The following INSYN2A variants were observed in gnomAD, a reference collection of about 807,000 sequenced individuals.
INSYN2A encodes inhibitory synaptic factor 2A.
INSYN2A carries 17 observed loss-of-function variants against 39.4 expected under a neutral mutation model. That is an observed-to-expected ratio of 0.43 (90% CI 0.30 to 0.65). The LOEUF (loss-of-function observed/expected upper bound fraction) is 0.65, where lower values mean the gene tolerates loss of function less well. INSYN2A is among the 30% of genes least tolerant of loss of function. The pLI, the probability that INSYN2A is intolerant of heterozygous loss-of-function variation, is 0.14. For missense variants in INSYN2A, 595 were observed against 631.2 expected, an observed-to-expected ratio of 0.94 and a Z score of 0.61; for synonymous variants, 255 against 265.7, an observed-to-expected ratio of 0.96 and a Z score of 0.39.
intron 1 of INSYN2A, among the ~76,000 whole-genome samples, 198 bp from the exon 2 acceptor site, chr10:127,192,928 T>A (rs2056855325): frequency 2.0e-5 from 3 of 152,194 alleles, no homozygotes; most frequent in Admixed American, 2.0e-4. Flanking sequence ...TGATTAAAAG[T>A]CATGAAGTTT....
chr10:127,182,390 AAAG>A (rs1589817379), intron 2 of INSYN2A, among the ~76,000 whole-genome samples: 1 of 152,178 alleles, frequency 6.6e-6, no homozygotes, highest in Non-Finnish European at 1.5e-5. Flanking sequence ...GAGTGAGAAC[AAAG>A]GAGGGCAAGC....
At chr10:127,142,743 C>A (rs746100807) in intron 5 of INSYN2A, among the ~76,000 whole-genome samples, 1 of 152,178 alleles carries the variant, frequency 6.6e-6, no homozygotes, top group Non-Finnish European at 1.5e-5. Flanking sequence ...GAACCATCCA[C>A]CCAAACACTC....
In INSYN2A at chr10:127,172,365, G is replaced by T. The variant is rs528675972; in HGVS notation, c.1184+2847C>A. Among the ~76,000 whole-genome samples the T allele has an allele frequency of 3.9e-5, 6 of 152,298 alleles. No individual in the cohort carries two copies. In the East Asian group the frequency reaches 1.2e-3, roughly 29 times the overall value. On this transcript the variant is annotated intron_variant, in intron 4 of 5. Transcript: ENST00000522781. Reference sequence around the variant, plus strand: ...CCCTCCAGAGCCTGTTGTTCCAGATGTCCCAGCCCAGTGCTGGCTGCCACT... The same window carrying T: ...CCCTCCAGAGCCTGTTGTTCCAGATTTCCCAGCCCAGTGCTGGCTGCCACT...
rs528947051 is a variant in INSYN2A at position 127,164,159 on chromosome 10, CTTTTTTTTTTTTTTTTTTTTTTTTTTTT to C, written c.1185-10264_1185-10237del. On this transcript the variant is annotated intron_variant, in intron 4 of 5. Transcript: ENST00000522781. ...CTTTGTCTTCCCTGTCATTTGCCTCCTTTTTTTTTTTTTTTTTTTTTTTTTTTTTTTTTTTTTTTTTTGAGACAGAGTC... is the reference window on the plus strand; with the variant it reads ...CTTTGTCTTCCCTGTCATTTGCCTCCTTTTTTTTTTTTTTGAGACAGAGTC... Among the ~76,000 whole-genome samples, 9 of 63,582 alleles carry C rather than the reference CTTTTTTTTTTTTTTTTTTTTTTTTTTTT, an allele frequency of 1.4e-4. No individual in the cohort carries two copies. The East Asian group carries it at 1.5e-3, about 10-fold the overall frequency. The allele number at this position is 63,582 out of a possible 152,430, so 41.7% of individuals were successfully genotyped here. A position where few individuals can be genotyped will look rare whatever the true frequency, so the allele number is the denominator to read the frequency against.
chr10:127,184,489 C>T (rs1461587792), intron 2 of INSYN2A, among the ~76,000 whole-genome samples: 2 of 149,652 alleles, frequency 1.3e-5, no homozygotes, highest in African/African-American at 2.5e-5. Flanking sequence ...GCCCCACCCC[C>T]GTCCCCCATC....
At chr10:127,160,527 GCC>G (rs2053508625) in intron 4 of INSYN2A, among the ~76,000 whole-genome samples, 1 of 152,190 alleles carries the variant, frequency 6.6e-6, no homozygotes, top group Non-Finnish European at 1.5e-5. Context: ...TCTTTTAAAT[GCC>G]TTGTTAATTT....
At chr10:127,154,739 G>A (rs1455072652) in intron 4 of INSYN2A, among the ~76,000 whole-genome samples, 1 of 152,110 alleles carries the variant, frequency 6.6e-6, no homozygotes, top group Non-Finnish European at 1.5e-5. Flanking sequence ...CCTTTGTAGG[G>A]GAGGTTGCTA....
chr10:127,161,139 G>A (rs763738702), intron 4 of INSYN2A, among the ~76,000 whole-genome samples: 4 of 152,126 alleles, frequency 2.6e-5, no homozygotes, highest in Non-Finnish European at 5.9e-5. Flanking sequence ...ATTATGCCCC[G>A]GACATGTACT....
intron 2 of INSYN2A, among the ~76,000 whole-genome samples, chr10:127,182,818 G>A (rs943439229): frequency 1.7e-4 from 26 of 152,002 alleles, no homozygotes; most frequent in Admixed American, 6.5e-5. Flanking sequence ...TGAGACAGGA[G>A]GGCTGTGCTT....
intron 2 of INSYN2A, among the ~76,000 whole-genome samples, chr10:127,179,771 C>T (rs1589805080): frequency 6.6e-6 from 1 of 152,198 alleles, no homozygotes; most frequent in African/African-American, 2.4e-5. Flanking sequence ...TTCATCATTC[C>T]TTCATGCATT....
intron 5 of INSYN2A, among the ~76,000 whole-genome samples, chr10:127,152,968 G>A (rs2133499591): frequency 6.6e-6 from 1 of 152,302 alleles, no homozygotes; most frequent in South Asian, 2.1e-4. Context: ...GTTGAAGATT[G>A]TGTAGCCTCA....
intron 1 of INSYN2A, among the ~76,000 whole-genome samples, chr10:127,193,380 C>A (rs2056884928): frequency 6.6e-6 from 1 of 152,184 alleles, no homozygotes; most frequent in African/African-American, 2.4e-5. Context: ...TGAACAGCAT[C>A]CTTCACAAGC....
chr10:127,155,877 C>T (rs1455525359), intron 4 of INSYN2A, among the ~76,000 whole-genome samples: 3 of 152,286 alleles, frequency 2.0e-5, no homozygotes, highest in East Asian at 1.9e-4. Context: ...GGCAATGGCA[C>T]GGTCCACGCT....
At chr10:127,154,355 G>A (rs1215212946) in intron 4 of INSYN2A, among the ~76,000 whole-genome samples, 1 of 152,234 alleles carries the variant, frequency 6.6e-6, no homozygotes, top group East Asian at 1.9e-4. Flanking sequence ...GCCAAATCCC[G>A]CCGGGGCCTG....
intron 5 of INSYN2A, among the ~76,000 whole-genome samples, chr10:127,141,691 A>C (rs1260935495): frequency 6.6e-6 from 1 of 151,768 alleles, no homozygotes; most frequent in Non-Finnish European, 1.5e-5. Flanking sequence ...AAAAAAAAAA[A>C]GCAAATTCTA....
At chr10:127,150,240 C>T (rs542247666) in intron 5 of INSYN2A, among the ~76,000 whole-genome samples, 73 of 152,270 alleles carry the variant, frequency 4.8e-4, no homozygotes, top group Middle Eastern at 3.4e-3. Flanking sequence ...ACTTTTCTAC[C>T]GAAGAAACTT....
intron 5 of INSYN2A, among the ~76,000 whole-genome samples, chr10:127,151,488 G>T (rs1046159107): frequency 2.0e-5 from 3 of 152,068 alleles, no homozygotes; most frequent in Non-Finnish European, 4.4e-5. Context: ...TAAAAATCAG[G>T]AAAGAAAGAT....
chr10:127,177,620 C>T (rs1347030189), intron 2 of INSYN2A, among the ~76,000 whole-genome samples: 1 of 152,314 alleles, frequency 6.6e-6, no homozygotes, highest in African/African-American at 2.4e-5. Context: ...GAGAGCTGCA[C>T]AGAAACAGAC....
rs530020768 is a variant in INSYN2A, at chr10:127,138,662, G to A, written c.1257-642C>T. On this transcript the variant is annotated intron_variant, in intron 5 of 5. Transcript: ENST00000522781. ...TAACCACAGTTTCTTTGGGAGAAGC[G>A]TGGGGAGTGTTCAGTAAAGACAACA... Among the ~76,000 whole-genome samples, 148 of 152,248 alleles carry A rather than the reference G, an allele frequency of 9.7e-4. 1 individual carries two copies. Among genetic ancestry groups the A allele is most frequent in the African/African-American group, 3.3e-3 (138 of 41,548 alleles).
Sources: allele counts gnomAD v4.1 joint callset (sites outside exome capture counted in the v4.1 genomes callset), GRCh38; gene constraint gnomAD v4.1.1; transcripts MANE v1.5; gene names NCBI Gene and HGNC (gene_info 2026-07-23, HGNC 2026-07-21).